FSIP2: variants seen among roughly 807,000 people sequenced by gnomAD.
FSIP2 encodes the protein fibrous sheath-interacting protein 2.
Under a neutral mutation model 510.5 loss-of-function variants are expected in FSIP2, and 367 were observed. That is an observed-to-expected ratio of 0.72 (90% CI 0.66 to 0.78). FSIP2 has a LOEUF of 0.78. Ranked by LOEUF, FSIP2 falls within the 30% of genes least tolerant of loss-of-function variation. FSIP2 has a pLI of 0.00. For missense variants in FSIP2, 7,594 were observed against 7,901.7 expected, an observed-to-expected ratio of 0.96 and a Z score of 1.48; for synonymous variants, 2,601 against 2,732.2, an observed-to-expected ratio of 0.95 and a Z score of 1.50.
At chr2:185,775,472 A>T (rs1463082536) in intron 13 of FSIP2, among the ~76,000 whole-genome samples, 4 of 151,126 alleles carry the variant, frequency 2.6e-5, no homozygotes, top group Admixed American at 1.3e-4. Context: ...TAGATTCTGG[A>T]TATTAGCCCT....
intron 9 of FSIP2, among the ~76,000 whole-genome samples, chr2:185,758,260 G>C (rs1692282473): frequency 6.6e-6 from 1 of 150,792 alleles, no homozygotes; most frequent in Admixed American, 6.6e-5. Context: ...CCATGTTCGG[G>C]TGATTATGTA....
At chr2:185,823,068 G>T (rs1693952813) in intron 19 of FSIP2, among the ~76,000 whole-genome samples, 1 of 151,830 alleles carries the variant, frequency 6.6e-6, no homozygotes, top group Non-Finnish European at 1.5e-5. Flanking sequence ...AACTCAAAAT[G>T]AGTCAGAGAT....
At position 185,791,512 on chromosome 2, in the gene FSIP2, G is replaced by A. The variant is rs1191204668; in HGVS notation, c.4376G>A (p.Ser1459Asn). 6.5e-7 allele frequency: 1 copy of A among 1,534,394 alleles called. No homozygotes were observed. The highest frequency in any genetic ancestry group is 8.7e-7 in the Non-Finnish European group (1 of 1,145,660). Reference sequence around the variant, plus strand: ...CATCTTCATTCTCAGCTATCTTGTAGTCAACAAAGCAGAGAGATGACCAAT... The same window carrying A: ...CATCTTCATTCTCAGCTATCTTGTAATCAACAAAGCAGAGAGATGACCAAT... ...GTHLHSQLSC[S>N]QQSREMTNKN... Residue 1459 changes from serine to asparagine, a missense_variant, in exon 16 of 23, where the codon AGT (serine) becomes AAT (asparagine). By Grantham distance (46) the Ser-to-Asn change is conservative (BLOSUM62 1). Transcript: ENST00000424728.
In FSIP2 at chr2:185,807,731, A is replaced by T. The variant is rs576214103; in HGVS notation, c.18425A>T (p.Gln6142Leu). 7.3e-5 allele frequency: 118 copies of T among 1,611,740 alleles called. No homozygotes were observed. The highest frequency in any genetic ancestry group is 9.8e-5 in the Non-Finnish European group (115 of 1,178,644). ...SYFCGELTPH[Q>L]CVEVENIVEK... ...TTTTGTGGAGAGCTAACTCCACATC[A>T]GTGTGTGGAAGTTGAAAACATCGTT... Residue 6142 changes from glutamine to leucine, a missense_variant, in exon 17 of 23, where the codon CAG becomes CTG. Transcript: ENST00000424728.
At chr2:185,797,565 T>G (rs1217761821) in intron 16 of FSIP2, 39 bp downstream of exon 16, 2 of 1,466,856 alleles carry the variant, frequency 1.4e-6, no homozygotes, top group Non-Finnish European at 1.8e-6. Flanking sequence ...TTGCATGATT[T>G]AGGAAGAAAA....
chr2:185,800,503 G>A lies in FSIP2; in HGVS notation c.11197G>A (p.Glu3733Lys), dbSNP rs921466175. The change falls in exon 17 of 23, where the codon GAG becomes AAG. Residue 3733 changes from glutamate to lysine, a missense_variant. Glu to Lys is a moderately conservative substitution (Grantham distance 56, BLOSUM62 1). Transcript: ENST00000424728. The stretch of plus-strand genomic sequence containing the variant: ...AACATATTTCTACTCCTCGAATAAT[G>A]AGCAACCTAATAGCATACTTACCAA... ...QRTYFYSSNN[E>K]QPNSILTNNL... is the part of the protein sequence containing the mutation. 7 of 1,533,128 alleles carry A rather than the reference G, an allele frequency of 4.6e-6. No individual in the cohort carries two copies. The African/African-American group carries it at 9.6e-5, about 21-fold the overall frequency. 95.0% of individuals were successfully genotyped at this position (1,533,128 alleles called of 1,614,324 possible).
intron 21 of FSIP2, 150 bp from the exon 22 acceptor site, chr2:185,831,663 A>G (rs1694111590): frequency 1.7e-6 from 1 of 601,202 alleles, no homozygotes; most frequent in Admixed American, 2.9e-5. Flanking sequence ...TTACTGAACA[A>G]TTCTTTGAGA....
At chr2:185,755,242 TC>T (rs1395358010) in intron 8 of FSIP2, among the ~76,000 whole-genome samples, 2 of 151,510 alleles carry the variant, frequency 1.3e-5, no homozygotes, top group African/African-American at 4.8e-5. Context: ...AATAGTAAAC[TC>T]CCACCTTTGT....
Position 185,804,024 on chromosome 2 carries a change from T to C in FSIP2, c.14718T>C (p.His4906=). 2 of 1,502,504 alleles carry C rather than the reference T, an allele frequency of 1.3e-6. No homozygotes were observed. The highest frequency in any genetic ancestry group is 8.9e-7 in the Non-Finnish European group (1 of 1,129,214). 93.1% of individuals were successfully genotyped at this position (1,502,504 alleles called of 1,614,324 possible). Residue 4906 remains histidine, a synonymous_variant, in exon 17 of 23, where the codon CAT becomes CAC. Coordinates refer to ENST00000424728, the MANE Select transcript of FSIP2 (RefSeq NM_173651.4). ...ASFIIKEIFN[H]HIQSFLSEDK... is the part of the protein sequence containing the mutation. ...TTATAATAAAAGAAATCTTTAACCA[T>C]CATATTCAATCATTTTTATCTGAAG...
chr2:185,765,217 A>G (rs1692442292), intron 13 of FSIP2: 1 of 152,066 alleles, frequency 6.6e-6, no homozygotes, highest in African/African-American at 2.4e-5. Context: ...ATCATAAGAC[A>G]AGGAGAATCA....
Position 185,800,364 on chromosome 2 carries a change from C to A in FSIP2, c.11058C>A (p.Asn3686Lys). Residue 3686 changes from asparagine to lysine, a missense_variant, in exon 17 of 23, where the codon AAC (asparagine) becomes AAA (lysine). Physicochemically the swap from Asn to Lys is moderately conservative, Grantham distance 94 (BLOSUM62 0). Transcript: ENST00000424728. Reference sequence around the variant, plus strand: ...GTAAGTTAAACAGCCTGGTTGGTAACCTAAAAACAAGTGAATCCAAAGAAG... The same window carrying A: ...GTAAGTTAAACAGCCTGGTTGGTAAACTAAAAACAAGTGAATCCAAAGAAG... ...LACKLNSLVG[N>K]LKTSESKEVV... The A allele has an allele frequency of 2.0e-6, 3 of 1,527,580 alleles. No homozygotes were observed. The highest frequency in any genetic ancestry group is 2.6e-6 in the Non-Finnish European group (3 of 1,143,806). 94.6% of individuals were successfully genotyped at this position (1,527,580 alleles called of 1,614,324 possible). A position where few individuals can be genotyped will look rare whatever the true frequency, so the allele number is the denominator to read the frequency against.
rs748605351 is a variant in FSIP2, at chr2:185,801,602, A to G, written c.12296A>G (p.His4099Arg). The G allele has an allele frequency of 4.6e-6, 7 of 1,533,604 alleles. No homozygotes were observed. In the African/African-American group the frequency reaches 6.9e-5, roughly 15 times the overall value. The allele number at this position is 1,533,604 out of a possible 1,614,324, so 95.0% of individuals were successfully genotyped here. ...DYKLPSCFKE[H>R]LIPHSYYPLK... ...AAACTGCCATCTTGCTTCAAGGAAC[A>G]TCTCATACCCCATTCATATTACCCT... Residue 4099 changes from histidine (H) to arginine (R), a missense_variant, in exon 17 of 23, where the codon CAT (histidine) becomes CGT (arginine). His to Arg is a conservative substitution (Grantham distance 29, BLOSUM62 0). Coordinates refer to ENST00000424728, the MANE Select transcript of FSIP2 (RefSeq NM_173651.4).
upstream of FSIP2, chr2:185,738,479 G>A (rs532166311): frequency 7.1e-6 from 6 of 844,412 alleles, no homozygotes; most frequent in South Asian, 1.7e-5. Flanking sequence ...TATGGGGGAA[G>A]ATGTAGAATG....
intron 19 of FSIP2, among the ~76,000 whole-genome samples, chr2:185,820,248 T>C (rs1300474082): frequency 1.3e-5 from 2 of 151,998 alleles, no homozygotes; most frequent in East Asian, 3.9e-4. Context: ...TTTCCCCCTT[T>C]TGCTTGGCAC....
rs564498445 is a variant in FSIP2 at position 185,808,114 on chromosome 2, G to A, written c.18808G>A (p.Val6270Ile). Residue 6270 changes from valine to isoleucine, a missense_variant, in exon 17 of 23, where the codon GTA becomes ATA. Transcript: ENST00000424728. ...AAAGCACTCTGGCTCTTATACTTCT[G>A]TATTTAAAGATTTAATGGGTAAAAG... ...VLKHSGSYTS[V>I]FKDLMGKSNV... The A allele has an allele frequency of 8.1e-6, 13 of 1,605,410 alleles. No homozygotes were observed. The South Asian group carries it at 1.2e-4, about 15-fold the overall frequency.
At chr2:185,767,551 C>A (rs892978817) in intron 13 of FSIP2, among the ~76,000 whole-genome samples, 1 of 152,018 alleles carries the variant, frequency 6.6e-6, no homozygotes, top group Non-Finnish European at 1.5e-5. Context: ...AGTCTTTCTG[C>A]ATTTAGCTTA....
chr2:185,807,789 T>G lies in FSIP2; in HGVS notation c.18483T>G (p.Thr6161=). 6.2e-7 allele frequency: 1 copy of G among 1,612,670 alleles called. No homozygotes were observed. The highest frequency in any genetic ancestry group is 1.7e-5 in the Admixed American group (1 of 59,820). The change falls in exon 17 of 23, where the codon ACT becomes ACG. Residue 6161 remains threonine, a synonymous_variant. Transcript: ENST00000424728. ...EKILKDVFQT[T]DVPLPKPSHA... is the part of the protein sequence containing the mutation. ...TCCTTAAAGATGTTTTCCAAACTAC[T>G]GATGTGCCCCTACCTAAACCTTCAC... is the stretch of plus-strand genomic sequence containing the variant.
rs1343745389 is a variant in FSIP2, at chr2:185,805,494, A to G, written c.16188A>G (p.Pro5396=). The G allele has an allele frequency of 2.5e-6, 4 of 1,611,568 alleles. No individual in the cohort carries two copies. Among genetic ancestry groups the G allele is most frequent in the Non-Finnish European group, 3.4e-6 (4 of 1,178,472 alleles). The change falls in exon 17 of 23, where the codon CCA becomes CCG. Residue 5396 remains proline (P), a synonymous_variant. Coordinates refer to ENST00000424728, the MANE Select transcript of FSIP2 (RefSeq NM_173651.4). ...CAATATCTGCATTCAGGATTCAACC[A>G]CTTTTTTCAGGAGACTGGTCTTCCA... ...QKAISAFRIQ[P]LFSGDWSSTF... is the part of the protein sequence containing the mutation.
rs544830075 is a variant in FSIP2 at position 185,802,212 on chromosome 2, T to A, written c.12906T>A (p.Asp4302Glu). Residue 4302 changes from aspartate (D) to glutamate (E), a missense_variant, in exon 17 of 23, where the codon GAT becomes GAA. Physicochemically the swap from Asp to Glu is conservative, Grantham distance 45 (BLOSUM62 2). Coordinates refer to ENST00000424728, the MANE Select transcript of FSIP2 (RefSeq NM_173651.4). Reference protein sequence around the residue: ...SHRPQKQSPLDIHLDSFVREI... With the variant: ...SHRPQKQSPLEIHLDSFVREI... ...GACCTCAGAAGCAATCACCTTTAGA[T>A]ATTCACCTTGATTCATTTGTAAGGG... 17 of 1,533,744 alleles carry A rather than the reference T, an allele frequency of 1.1e-5. No individual in the cohort carries two copies. In the South Asian group the frequency reaches 1.7e-4, roughly 15 times the overall value.
Sources: allele counts gnomAD v4.1 joint callset (sites outside exome capture counted in the v4.1 genomes callset), GRCh38; gene constraint gnomAD v4.1.1; transcripts MANE v1.5; gene names NCBI Gene and HGNC (gene_info 2026-07-23, HGNC 2026-07-21).